Variants in YWHAE observed in about 807,000 individuals in gnomAD.
YWHAE encodes the protein tyrosine 3-monooxygenase/tryptophan 5-monooxygenase activation protein epsilon.
Under a neutral mutation model 30.1 loss-of-function variants are expected in YWHAE, and 4 were observed. The ratio of observed to expected loss-of-function variants is 0.13; its 90% CI spans 0.07 to 0.30. The LOEUF (loss-of-function observed/expected upper bound fraction) is 0.30, where lower values mean the gene tolerates loss of function less well. Ranked by LOEUF, YWHAE falls within the 10% of genes least tolerant of loss-of-function variation. The pLI is 1.00. For missense variants in YWHAE, 121 were observed against 315.9 expected (o/e 0.38, Z 4.68); for synonymous variants, 118 against 111.8 (o/e 1.06, Z -0.35).
intron 1 of YWHAE, among the ~76,000 whole-genome samples, chr17:1,371,927 C>A (rs557507147): frequency 4.6e-4 from 69 of 151,410 alleles, no homozygotes; most frequent in African/African-American, 1.6e-3. Flanking sequence ...CAACCTCCGT[C>A]TCCTGGGCTG....
At chr17:1,392,214 A>T (rs960272444) in intron 1 of YWHAE, among the ~76,000 whole-genome samples, 1 of 152,128 alleles carries the variant, frequency 6.6e-6, no homozygotes, top group Non-Finnish European at 1.5e-5. Context: ...AAGAAAAAAA[A>T]GTTCTTTTAA....
intron 1 of YWHAE, among the ~76,000 whole-genome samples, chr17:1,398,272 C>G (rs1260659519): frequency 6.6e-6 from 1 of 151,812 alleles, no homozygotes. Flanking sequence ...ATTCATATCT[C>G]TTTGATTTTT....
At chr17:1,357,141 C>A (rs112377970) in intron 4 of YWHAE, among the ~76,000 whole-genome samples, 100 of 151,646 alleles carry the variant, frequency 6.6e-4, no homozygotes, top group Non-Finnish European at 1.2e-3. Flanking sequence ...CGGTGGCTCA[C>A]ACCTGTAATC....
In YWHAE at chr17:1,364,685, C is replaced by T. The variant is rs1205837042; in HGVS notation, c.264+174G>A. 7 of 797,450 alleles carry T rather than the reference C, an allele frequency of 8.8e-6. No individual in the cohort carries two copies. In the African/African-American group the frequency reaches 1.2e-4, roughly 14 times the overall value. 49.4% of individuals were successfully genotyped at this position (797,450 alleles called of 1,614,324 possible). A position where few individuals can be genotyped will look rare whatever the true frequency, so the allele number is the denominator to read the frequency against. ...ACTATGTTTTGTCCTCATGCATAGC[C>T]ACGGGTAAGTTTAACTTATAAACCA... On this transcript the variant is annotated intron_variant, in intron 2 of 5. Coordinates refer to ENST00000264335, the MANE Select transcript of YWHAE (RefSeq NM_006761.5).
chr17:1,390,726 G>A (rs1007732690), intron 1 of YWHAE, among the ~76,000 whole-genome samples: 2 of 152,120 alleles, frequency 1.3e-5, no homozygotes, highest in Admixed American at 6.6e-5. Context: ...TCAAACTTTA[G>A]ATATGAATGA....
rs751148294 is a variant in YWHAE at position 1,344,533 on chromosome 17, G to A, written c.*914C>T. The A allele has an allele frequency of 8.3e-5, 17 of 205,606 alleles. No individual in the cohort carries two copies. Among genetic ancestry groups the A allele is most frequent in the East Asian group, 2.9e-4 (4 of 13,630 alleles). The allele number at this position is 205,606 out of a possible 1,614,324, so 12.7% of individuals were successfully genotyped here. A position where few individuals can be genotyped will look rare whatever the true frequency, so the allele number is the denominator to read the frequency against. On this transcript the variant is annotated 3_prime_UTR_variant, in exon 6 of 6. Transcript: ENST00000264335. The stretch of plus-strand genomic sequence containing the variant: ...TTTTAGAAGTATAAAGGATGGAGGC[G>A]CGATATTTGGCATTTTTAATTTAGG...
chr17:1,398,253 T>TA (rs1273564549), intron 1 of YWHAE, among the ~76,000 whole-genome samples: 1 of 151,890 alleles, frequency 6.6e-6, no homozygotes, highest in Non-Finnish European at 1.5e-5. Context: ...AGACTTCCAA[T>TA]ACAAGCACAT....
intron 1 of YWHAE, among the ~76,000 whole-genome samples, chr17:1,383,678 G>T (rs1367864155): frequency 3.3e-5 from 5 of 151,998 alleles, no homozygotes; most frequent in African/African-American, 9.7e-5. Context: ...GTGAGCCACT[G>T]CACCCGGCCC....
intron 4 of YWHAE, among the ~76,000 whole-genome samples, chr17:1,357,650 G>A (rs1414325483): frequency 6.6e-6 from 1 of 152,088 alleles, no homozygotes; most frequent in South Asian, 2.1e-4. Context: ...AATAGGCTGG[G>A]TGCAGTGGCT....
At chr17:1,348,119 TG>T (rs1330727145) in intron 5 of YWHAE, 1 of 406,400 alleles carries the variant, frequency 2.5e-6, no homozygotes, top group African/African-American at 2.2e-5. Context: ...AGCCGGACTT[TG>T]GTCTTACTTC....
intron 1 of YWHAE, among the ~76,000 whole-genome samples, chr17:1,398,340 C>CCT (rs1555648166): frequency 1.0e-5 from 1 of 96,332 alleles, no homozygotes; most frequent in African/African-American, 6.1e-5. Context: ...CTTATCCCCC[C>CCT]CCCCAACAGG....
At chr17:1,375,824 T>C (rs2073113750) in intron 1 of YWHAE, among the ~76,000 whole-genome samples, 1 of 152,252 alleles carries the variant, frequency 6.6e-6, no homozygotes, top group Non-Finnish European at 1.5e-5. Context: ...AACTGAGGTT[T>C]GGTTTGTGGT....
At chr17:1,398,719 A>T (rs935410601) in intron 1 of YWHAE, 21 of 152,134 alleles carry the variant, frequency 1.4e-4, no homozygotes, top group Admixed American at 1.4e-3. Flanking sequence ...TGGGTATTTC[A>T]AAAGGTGGTC....
At chr17:1,372,906 T>C (rs1331159833) in intron 1 of YWHAE, among the ~76,000 whole-genome samples, 2 of 152,018 alleles carry the variant, frequency 1.3e-5, no homozygotes, top group Non-Finnish European at 2.9e-5. Context: ...TGAGCATTCC[T>C]GCCTGGGTGA....
In YWHAE at chr17:1,369,291, C is replaced by T. The variant is rs186974961; in HGVS notation, c.65-4233G>A. Reference sequence around the variant, plus strand: ...TGGGTGGATCATGAGGTCAGGAGATCAAGAACAGCCTGGCCAACATAGTAA... The same window carrying T: ...TGGGTGGATCATGAGGTCAGGAGATTAAGAACAGCCTGGCCAACATAGTAA... On this transcript the variant is annotated intron_variant, in intron 1 of 5. Coordinates refer to ENST00000264335, the MANE Select transcript of YWHAE (RefSeq NM_006761.5). Among the ~76,000 whole-genome samples, 535 of 152,244 alleles carry T rather than the reference C, an allele frequency of 3.5e-3. 5 individuals are homozygous for T. Among genetic ancestry groups the T allele is most frequent in the Middle Eastern group, 0.02 (6 of 294 alleles).
In YWHAE at chr17:1,394,614, A is replaced by AC. The variant is rs1256206216; in HGVS notation, c.64+5432_64+5433insG. Among the ~76,000 whole-genome samples, 5 of 151,356 alleles carry AC rather than the reference A, an allele frequency of 3.3e-5. No homozygotes were observed. The East Asian group carries it at 9.7e-4, about 29-fold the overall frequency. ...AAGCAAGACCCTGTTTCAAAAAAAA[A>AC]TTTTTTTTTAATTTAGCCTTCCCAT... On this transcript the variant is annotated intron_variant, in intron 1 of 5. Transcript: ENST00000264335.
intron 5 of YWHAE, chr17:1,348,074 C>G (rs751771723): frequency 1.4e-5 from 12 of 851,016 alleles, no homozygotes; most frequent in Non-Finnish European, 1.7e-5. Flanking sequence ...AAAAATAAAC[C>G]AACAGAGCAG....
At chr17:1,391,599 CCATGACTAG>C in intron 1 of YWHAE, among the ~76,000 whole-genome samples, 1 of 152,220 alleles carries the variant, frequency 6.6e-6, no homozygotes, top group East Asian at 1.9e-4. Context: ...GTTCTTAGGG[CCATGACTAG>C]CATTAACATT....
At chr17:1,388,995 T>A (rs112085602) in intron 1 of YWHAE, among the ~76,000 whole-genome samples, 14 of 152,348 alleles carry the variant, frequency 9.2e-5, no homozygotes, top group African/African-American at 3.4e-4. Context: ...AGACAGGGTC[T>A]CACTATGTCA....
Sources: allele counts gnomAD v4.1 joint callset (sites outside exome capture counted in the v4.1 genomes callset), GRCh38; gene constraint gnomAD v4.1.1; transcripts MANE v1.5; gene names NCBI Gene and HGNC (gene_info 2026-07-23, HGNC 2026-07-21).